Variants in SHROOM2 observed in about 807,000 individuals in gnomAD.
SHROOM2 encodes the protein protein Shroom2.
Under a neutral mutation model 75.9 loss-of-function variants are expected in SHROOM2, and 33 were observed. The observed-to-expected ratio is 0.43, with a 90% confidence interval of 0.33 to 0.58. SHROOM2 has a LOEUF of 0.58. SHROOM2 is among the 20% of genes least tolerant of loss of function. The probability of loss-of-function intolerance (pLI) is 0.04; values close to 1 mark genes in which losing one functional copy is unlikely to be tolerated. For synonymous variants in SHROOM2, 655 were observed against 663.6 expected (o/e 0.99, Z 0.20); for missense variants, 1,434 against 1,461.2 (o/e 0.98, Z 0.30).
At chrX:9,934,722 A>G (rs922279997) in intron 6 of SHROOM2, among the ~76,000 whole-genome samples, 9 of 111,957 alleles carry the variant, frequency 8.0e-5, no homozygotes, top group African/African-American at 2.9e-4. Context: ...ATGATCAGGA[A>G]TAGATGCTTT....
intron 1 of SHROOM2, among the ~76,000 whole-genome samples, chrX:9,841,973 C>T (rs1180541286): frequency 1.8e-5 from 2 of 112,016 alleles, no homozygotes; most frequent in East Asian, 5.6e-4. Flanking sequence ...GTGGGAGGAT[C>T]ACTTGAGCCT....
intron 5 of SHROOM2, among the ~76,000 whole-genome samples, chrX:9,911,368 A>G (rs1423485984): frequency 1.8e-5 from 2 of 112,520 alleles, no homozygotes; most frequent in African/African-American, 6.5e-5. Context: ...TGGGGGAAAA[A>G]AATCTAAAAT....
intron 1 of SHROOM2, among the ~76,000 whole-genome samples, chrX:9,794,477 C>G (rs2146725181): frequency 9.0e-6 from 1 of 111,512 alleles, no homozygotes; most frequent in African/African-American, 3.3e-5. Context: ...TCAAGTGATT[C>G]TTCTGCCTCA....
chrX:9,936,488 G>T (rs2084707825), intron 6 of SHROOM2, among the ~76,000 whole-genome samples: 1 of 112,073 alleles, frequency 8.9e-6, no homozygotes, highest in Non-Finnish European at 1.9e-5. Context: ...CTTACTGCGA[G>T]ATCGTATCTC....
chrX:9,889,935 G>T lies in SHROOM2; in HGVS notation c.318-1042G>T, dbSNP rs957645122. Among the ~76,000 whole-genome samples, 13 of 112,721 alleles carry T rather than the reference G, an allele frequency of 1.2e-4. 1 individual carries two copies. Among genetic ancestry groups the T allele is most frequent in the Admixed American group, 6.5e-4 (7 of 10,701 alleles). Reference sequence around the variant, plus strand: ...GCAAAAGATAGGAGATGCTGTTTGTGTTCATACTGGGGCAGGGAGAGGGCA... The same window carrying T: ...GCAAAAGATAGGAGATGCTGTTTGTTTTCATACTGGGGCAGGGAGAGGGCA... On this transcript the variant is annotated intron_variant, in intron 2 of 9. Coordinates refer to ENST00000380913, the MANE Select transcript of SHROOM2 (RefSeq NM_001649.4).
At chrX:9,811,051 C>G (rs897890734) in intron 1 of SHROOM2, among the ~76,000 whole-genome samples, 5 of 111,908 alleles carry the variant, frequency 4.5e-5, no homozygotes, top group Admixed American at 2.8e-4. Flanking sequence ...AGAAGCATCG[C>G]GTGCAGGATA....
In SHROOM2 at chrX:9,891,104, G is replaced by A. The variant is rs1217043914; in HGVS notation, c.445G>A (p.Ala149Thr). ...GCPSWSGRHH[A>T]SSSSHDLSSS... The stretch of plus-strand genomic sequence containing the variant: ...TCCTTCCTGGTCCGGCCGACACCAC[G>A]CGAGGTAGGCACCCATTCCCGTCCA... Residue 149 changes from alanine to threonine, a missense_variant, in exon 3 of 10, where the codon GCG (alanine) becomes ACG (threonine). By Grantham distance (58) the Ala-to-Thr change is moderately conservative. Transcript: ENST00000380913. The A allele has an allele frequency of 2.5e-6, 3 of 1,203,516 alleles. No individual in the cohort carries two copies. Among genetic ancestry groups the A allele is most frequent in the Admixed American group, 2.2e-5 (1 of 45,249 alleles).
At chrX:9,841,923 GGTA>G (rs2083981396) in intron 1 of SHROOM2, among the ~76,000 whole-genome samples, 1 of 111,580 alleles carries the variant, frequency 9.0e-6, no homozygotes, top group Admixed American at 9.5e-5. Context: ...AGCTAGGTGT[GGTA>G]GTACATGCCT....
intron 1 of SHROOM2, among the ~76,000 whole-genome samples, chrX:9,791,462 C>T (rs1192422628): frequency 1.8e-5 from 2 of 111,890 alleles, no homozygotes; most frequent in East Asian, 2.8e-4. Flanking sequence ...TCTTGCACAC[C>T]GGGTGCAGCG....
chrX:9,931,473 C>T (rs763743317), intron 5 of SHROOM2, among the ~76,000 whole-genome samples: 2 of 110,696 alleles, frequency 1.8e-5, no homozygotes, highest in Non-Finnish European at 3.8e-5. Context: ...ACAGTGAGAC[C>T]CCATCTCTAC....
intron 6 of SHROOM2, among the ~76,000 whole-genome samples, chrX:9,934,789 G>A (rs978193214): frequency 2.7e-5 from 3 of 111,002 alleles, no homozygotes; most frequent in Non-Finnish European, 3.8e-5. Flanking sequence ...TTTCCTTCCC[G>A]GTACTGTATT....
chrX:9,870,984 T>C (rs2084167990), intron 1 of SHROOM2, among the ~76,000 whole-genome samples: 1 of 111,572 alleles, frequency 9.0e-6, no homozygotes, highest in Non-Finnish European at 1.9e-5. Context: ...AACACGTGGA[T>C]AGAAAAACAC....
At chrX:9,795,502 T>C (rs2083690571) in intron 1 of SHROOM2, among the ~76,000 whole-genome samples, 1 of 112,236 alleles carries the variant, frequency 8.9e-6, no homozygotes, top group Non-Finnish European at 1.9e-5. Context: ...AACTGGTCTC[T>C]AAAAATGTCC....
At chrX:9,936,100 C>CTTTTTTTT (rs199560073) in intron 6 of SHROOM2, among the ~76,000 whole-genome samples, 1 of 108,908 alleles carries the variant, frequency 9.2e-6, no homozygotes, top group African/African-American at 3.5e-5. Context: ...CATCCAGAAA[C>CTTTTTTTT]TTTTCTTTTT....
intron 9 of SHROOM2, 48 bp from the exon 10 acceptor site, chrX:9,946,623 C>A: frequency 8.6e-7 from 1 of 1,164,662 alleles, no homozygotes; most frequent in African/African-American, 1.8e-5. Flanking sequence ...TTGGCCAGTG[C>A]CCCAGCTTTC....
chrX:9,840,528 G>C (rs1202477381), intron 1 of SHROOM2, among the ~76,000 whole-genome samples: 1 of 111,930 alleles, frequency 8.9e-6, no homozygotes, highest in South Asian at 3.7e-4. Context: ...CTCAGCCTCC[G>C]CAAGTGCTGG....
chrX:9,914,062 C>T (rs1244579961), intron 5 of SHROOM2, among the ~76,000 whole-genome samples: 1 of 86,804 alleles, frequency 1.2e-5, no homozygotes, highest in Non-Finnish European at 2.2e-5. Context: ...TGCGCCCACC[C>T]CCCTGCCCCC....
At chrX:9,941,437 C>T in intron 8 of SHROOM2, among the ~76,000 whole-genome samples, 1 of 112,459 alleles carries the variant, frequency 8.9e-6, no homozygotes, top group Non-Finnish European at 1.9e-5. Context: ...CAGGCCAGGT[C>T]TTGTCTCAGA....
intron 6 of SHROOM2, among the ~76,000 whole-genome samples, chrX:9,935,899 G>C (rs764490285): frequency 3.6e-5 from 4 of 111,018 alleles, no homozygotes; most frequent in Middle Eastern, 4.6e-3. Context: ...AGCATATGGG[G>C]CTGCTTCTCC....
Sources: allele counts gnomAD v4.1 joint callset (sites outside exome capture counted in the v4.1 genomes callset), GRCh38; gene constraint gnomAD v4.1.1; transcripts MANE v1.5; gene names NCBI Gene and HGNC (gene_info 2026-07-23, HGNC 2026-07-21).